Variants in ALK observed in about 807,000 individuals in gnomAD.
ALK encodes ALK tyrosine kinase receptor.
Under a neutral mutation model 163.1 loss-of-function variants are expected in ALK, and 74 were observed. The ratio of observed to expected loss-of-function variants is 0.45; its 90% CI spans 0.38 to 0.55. The LOEUF (loss-of-function observed/expected upper bound fraction) is 0.55, where lower values mean the gene tolerates loss of function less well. Among genes scored for constraint, ALK ranks in the 20% least tolerant of loss-of-function variants. ALK has a pLI of 0.00. For synonymous variants in ALK, 960 were observed against 843.2 expected (o/e 1.14, Z -2.40); for missense variants, 2,063 against 2,105.3 (o/e 0.98, Z 0.39).
chr2:29,532,631 C>G (rs1673151153), intron 3 of ALK, among the ~76,000 whole-genome samples: 1 of 152,134 alleles, frequency 6.6e-6, no homozygotes. Flanking sequence ...CAGAAAAAGC[C>G]CTACAAATCT....
intron 1 of ALK, among the ~76,000 whole-genome samples, chr2:29,800,757 C>T (rs1367233843): frequency 6.6e-6 from 1 of 152,208 alleles, no homozygotes; most frequent in Non-Finnish European, 1.5e-5. Flanking sequence ...CCCATCCAAC[C>T]ACCAAGGTAA....
chr2:29,571,453 T>C (rs1324954565), intron 3 of ALK, among the ~76,000 whole-genome samples: 1 of 152,174 alleles, frequency 6.6e-6, no homozygotes, highest in Non-Finnish European at 1.5e-5. Context: ...TATAAGAATC[T>C]GGCATTTCCC....
chr2:29,523,088 G>A (rs1233200050), intron 4 of ALK, among the ~76,000 whole-genome samples: 2 of 152,104 alleles, frequency 1.3e-5, no homozygotes, highest in Non-Finnish European at 2.9e-5. Flanking sequence ...ACATGAAAGT[G>A]AGCACTCAGA....
intron 1 of ALK, among the ~76,000 whole-genome samples, chr2:29,737,695 G>T: frequency 6.6e-6 from 1 of 152,036 alleles, no homozygotes; most frequent in Non-Finnish European, 1.5e-5. Flanking sequence ...CATCTGCCAT[G>T]AACATGGCTT....
chr2:29,776,669 T>C (rs1388708830), intron 1 of ALK, among the ~76,000 whole-genome samples: 1 of 152,184 alleles, frequency 6.6e-6, no homozygotes, highest in African/African-American at 2.4e-5. Flanking sequence ...TGGTGGCTTA[T>C]GCCTGTAATC....
At chr2:29,327,800 A>G (rs1049915466) in intron 6 of ALK, among the ~76,000 whole-genome samples, 1 of 152,138 alleles carries the variant, frequency 6.6e-6, no homozygotes, top group Non-Finnish European at 1.5e-5. Flanking sequence ...CCAGAGGGAG[A>G]AGAACCAGTG....
intron 1 of ALK, among the ~76,000 whole-genome samples, chr2:29,771,885 A>G (rs1194678972): frequency 1.3e-5 from 2 of 152,184 alleles, no homozygotes; most frequent in Non-Finnish European, 2.9e-5. Context: ...AAGGTAAAAT[A>G]ATGGATTTGT....
At chr2:29,226,139 G>T (rs1317902) in intron 18 of ALK, among the ~76,000 whole-genome samples, 19,908 of 152,016 alleles carry the variant, frequency 0.13, 1,395 homozygotes, top group African/African-American at 0.17. Flanking sequence ...CATCTTGTAT[G>T]AACTGCTGCA....
chr2:29,595,691 T>C (rs1259786937), intron 3 of ALK, among the ~76,000 whole-genome samples: 1 of 152,008 alleles, frequency 6.6e-6, no homozygotes, highest in African/African-American at 2.4e-5. Context: ...TAAAAACACA[T>C]GGGAGTAGGG....
chr2:29,213,279 G>T (rs1441308845), intron 24 of ALK, among the ~76,000 whole-genome samples: 2 of 152,216 alleles, frequency 1.3e-5, no homozygotes, highest in Non-Finnish European at 2.9e-5. Flanking sequence ...TGATGTCCCA[G>T]TCTATACAGC....
chr2:29,546,900 TGAA>T (rs1252345821), intron 3 of ALK, among the ~76,000 whole-genome samples: 8 of 152,298 alleles, frequency 5.3e-5, no homozygotes, highest in Non-Finnish European at 1.0e-4. Context: ...TACCCGCTGC[TGAA>T]GAAGGAGCAT....
intron 4 of ALK, among the ~76,000 whole-genome samples, chr2:29,498,400 G>C (rs1672085601): frequency 6.6e-6 from 1 of 151,920 alleles, no homozygotes; most frequent in South Asian, 2.1e-4. Context: ...AAGCCTGTAG[G>C]GTCTTGGTAT....
rs1677821090 is a variant in ALK, at chr2:29,674,753, C to T, written c.952+20097G>A. Among the ~76,000 whole-genome samples, 3 of 150,536 alleles carry T rather than the reference C, an allele frequency of 2.0e-5. No homozygotes were observed. In the South Asian group the frequency reaches 6.4e-4, roughly 32 times the overall value. The stretch of plus-strand genomic sequence containing the variant: ...TGGAATAGTTTCATAAGGAATGGTA[C>T]CAGTTCCTCCTTGTACCTCTGGTAG... On this transcript the variant is annotated intron_variant, in intron 3 of 28. Transcript: ENST00000389048.
chr2:29,812,996 A>G (rs1464544347), intron 1 of ALK, among the ~76,000 whole-genome samples: 1 of 152,234 alleles, frequency 6.6e-6, no homozygotes, highest in East Asian at 1.9e-4. Flanking sequence ...GAAGATGTGT[A>G]CAGTCCTTCC....
chr2:29,902,659 T>G (rs1449321720), intron 1 of ALK, among the ~76,000 whole-genome samples: 1 of 152,224 alleles, frequency 6.6e-6, no homozygotes, highest in Non-Finnish European at 1.5e-5. Context: ...ATGAGGCTCA[T>G]TTTAGGCACT....
intron 4 of ALK, among the ~76,000 whole-genome samples, chr2:29,397,638 C>G (rs751908649): frequency 1.3e-5 from 2 of 152,204 alleles, no homozygotes; most frequent in Non-Finnish European, 2.9e-5. Flanking sequence ...GCCTGGTGGA[C>G]AGACCAGCTG....
At chr2:29,619,242 G>C (rs1188799483) in intron 3 of ALK, among the ~76,000 whole-genome samples, 1 of 152,154 alleles carries the variant, frequency 6.6e-6, no homozygotes, top group Non-Finnish European at 1.5e-5. Context: ...GAGAGCCCTG[G>C]ACTGGCAAGC....
chr2:29,458,227 A>C (rs1671006741), intron 4 of ALK, among the ~76,000 whole-genome samples: 1 of 152,150 alleles, frequency 6.6e-6, no homozygotes. Flanking sequence ...TACATTTGAC[A>C]ATCATTTCAG....
intron 9 of ALK, among the ~76,000 whole-genome samples, chr2:29,288,405 GGTGTGC>G (rs1665917984): frequency 6.6e-6 from 1 of 152,120 alleles, no homozygotes; most frequent in South Asian, 2.1e-4. Context: ...GTCTGTGCCT[GGTGTGC>G]TCCTACAAGT....
Sources: allele counts gnomAD v4.1 joint callset (sites outside exome capture counted in the v4.1 genomes callset), GRCh38; gene constraint gnomAD v4.1.1; transcripts MANE v1.5; gene names NCBI Gene and HGNC (gene_info 2026-07-23, HGNC 2026-07-21).